STXBP3: variants seen among roughly 807,000 people sequenced by gnomAD.
The protein encoded by STXBP3 is syntaxin binding protein 3, also known as syntaxin-binding protein 3.
Under a neutral mutation model 85.7 loss-of-function variants are expected in STXBP3, and 41 were observed. The ratio of observed to expected loss-of-function variants is 0.48; its 90% CI spans 0.37 to 0.62. The LOEUF is 0.62. Among genes scored for constraint, STXBP3 ranks in the 20% least tolerant of loss-of-function variants. The pLI, the probability that STXBP3 is intolerant of heterozygous loss-of-function variation, is 0.00. For missense variants in STXBP3, 563 were observed against 703.1 expected (o/e 0.80, Z 2.25); for synonymous variants, 229 against 231.7 (o/e 0.99, Z 0.10).
At chr1:108,764,646 C>A (rs1365002838) in intron 6 of STXBP3, among the ~76,000 whole-genome samples, 2 of 152,092 alleles carry the variant, frequency 1.3e-5, no homozygotes, top group Non-Finnish European at 2.9e-5. Flanking sequence ...CTTTAATGAT[C>A]AGTGATTTGA....
At chr1:108,797,380 G>C (rs1010972871) in intron 15 of STXBP3, among the ~76,000 whole-genome samples, 1 of 138,978 alleles carries the variant, frequency 7.2e-6, no homozygotes, top group Non-Finnish European at 1.5e-5. Flanking sequence ...GTCAAATTTT[G>C]AAGAGCTCTA....
intron 5 of STXBP3, among the ~76,000 whole-genome samples, chr1:108,758,905 C>G (rs913282370): frequency 1.3e-5 from 2 of 152,180 alleles, no homozygotes; most frequent in African/African-American, 4.8e-5. Context: ...CCCTCAAATC[C>G]TGTGCTGGTG....
intron 11 of STXBP3, among the ~76,000 whole-genome samples, chr1:108,785,441 A>G (rs1311707503): frequency 1.3e-5 from 2 of 152,172 alleles, no homozygotes; most frequent in Non-Finnish European, 2.9e-5. Context: ...ACCAAATCCC[A>G]AGACCACACA....
At chr1:108,789,400 G>C (rs1478426989) in intron 11 of STXBP3, among the ~76,000 whole-genome samples, 1 of 151,978 alleles carries the variant, frequency 6.6e-6, no homozygotes, top group South Asian at 2.1e-4. Context: ...CTTCCAGTGT[G>C]GCCCAGGGAA....
rs761469761 is a variant in STXBP3 at position 108,808,778 on chromosome 1, A to G, written c.1685-5A>G. ...CCTCTGAAAAATTCTCTTTTCTCCT[A>G]CCAGGTTCTACACATGTTTTAACAC... On this transcript the variant is annotated splice_polypyrimidine_tract_variant and splice_region_variant and intron_variant, in intron 18 of 18. Transcript: ENST00000370008. 6.2e-7 allele frequency: 1 copy of G among 1,609,408 alleles called. No homozygotes were observed. The highest frequency in any genetic ancestry group is 8.5e-7 in the Non-Finnish European group (1 of 1,177,352).
At chr1:108,748,036 T>C (rs1661829480) in intron 1 of STXBP3, among the ~76,000 whole-genome samples, 1 of 152,220 alleles carries the variant, frequency 6.6e-6, no homozygotes, top group South Asian at 2.1e-4. Flanking sequence ...AATCATAAGC[T>C]TTTCCCTTTT....
intron 6 of STXBP3, among the ~76,000 whole-genome samples, chr1:108,770,769 G>A (rs1054817948): frequency 2.7e-5 from 2 of 73,204 alleles, no homozygotes; most frequent in Non-Finnish European, 7.4e-5. Flanking sequence ...CATTTAGGGA[G>A]CTCCTGGCTT....
chr1:108,803,694 G>T (rs1663275024), intron 17 of STXBP3, among the ~76,000 whole-genome samples: 1 of 152,126 alleles, frequency 6.6e-6, no homozygotes, highest in African/African-American at 2.4e-5. Context: ...TCACCATGTT[G>T]TCCAGGCTGG....
intron 11 of STXBP3, among the ~76,000 whole-genome samples, chr1:108,783,896 A>G (rs184363023): frequency 2.0e-5 from 3 of 152,240 alleles, no homozygotes; most frequent in East Asian, 1.9e-4. Context: ...TTTAATTTCA[A>G]TTTCTCTAAT....
At position 108,762,552 on chromosome 1, in the gene STXBP3, A is replaced by G. The variant is rs190799608; in HGVS notation, c.438+2467A>G. ...TTATAAAAATCATAGGCTTATTTCA[A>G]TATTTTAAAATATCTTCTGTAACAT... is the stretch of plus-strand genomic sequence containing the variant. On this transcript the variant is annotated intron_variant, in intron 6 of 18. Transcript: ENST00000370008. 1.6e-3 allele frequency among the ~76,000 whole-genome samples: 247 copies of G among 152,100 alleles called. 2 individuals carry two copies. The highest frequency in any genetic ancestry group is 0.01 in the Middle Eastern group (3 of 292).
At chr1:108,796,193 T>A in intron 13 of STXBP3, 41 bp from the exon 14 acceptor site, 1 of 1,589,738 alleles carries the variant, frequency 6.3e-7, no homozygotes, top group East Asian at 2.2e-5. Context: ...AAAAAATGAA[T>A]TTTGGTTATA....
intron 17 of STXBP3, among the ~76,000 whole-genome samples, chr1:108,806,486 T>TA (rs1013913925): frequency 1.1e-4 from 16 of 152,152 alleles, no homozygotes; most frequent in Non-Finnish European, 1.6e-4. Flanking sequence ...ATTCTGTACT[T>TA]AGTGTGTTCT....
chr1:108,776,291 C>T (rs747492139), intron 7 of STXBP3, 42 bp from the exon 8 acceptor site: 3 of 1,404,786 alleles, frequency 2.1e-6, no homozygotes, highest in East Asian at 2.4e-5. Flanking sequence ...AAAGTATACA[C>T]TGAAAGAAAG....
intron 6 of STXBP3, among the ~76,000 whole-genome samples, chr1:108,765,889 TG>T (rs1662255226): frequency 7.3e-6 from 1 of 137,292 alleles, no homozygotes. Context: ...ATTCTCACTC[TG>T]TCACCAGGCT....
intron 13 of STXBP3, 36 bp downstream of exon 13, chr1:108,794,943 A>T: frequency 6.5e-7 from 1 of 1,544,074 alleles, no homozygotes; most frequent in Non-Finnish European, 8.8e-7. Flanking sequence ...TGTTCATAAC[A>T]AATTTCAAGG....
chr1:108,807,974 T>A (rs967381300), intron 18 of STXBP3, among the ~76,000 whole-genome samples: 4 of 152,220 alleles, frequency 2.6e-5, no homozygotes, highest in African/African-American at 9.7e-5. Context: ...GCAAAAAAAT[T>A]GTTAACCATA....
chr1:108,781,140 G>A (rs963221308), intron 9 of STXBP3: 5 of 152,174 alleles, frequency 3.3e-5, no homozygotes, highest in African/African-American at 1.2e-4. Flanking sequence ...TAAGAACAAA[G>A]TGGTATTTTA....
At chr1:108,769,095 A>T (rs1662327435) in intron 6 of STXBP3, among the ~76,000 whole-genome samples, 1 of 151,772 alleles carries the variant, frequency 6.6e-6, no homozygotes, top group African/African-American at 2.4e-5. Flanking sequence ...AATAACACAT[A>T]TTTTAATATT....
intron 8 of STXBP3, 114 bp downstream of exon 8, chr1:108,776,537 A>C: frequency 1.5e-6 from 1 of 659,484 alleles, no homozygotes; most frequent in Non-Finnish European, 2.5e-6. Flanking sequence ...ATTAACATAG[A>C]TCTCCAATAC....
Sources: gnomAD v4.1 joint callset for allele counts (sites outside exome capture counted in the v4.1 genomes callset) on GRCh38, gnomAD v4.1.1 for gene constraint, MANE v1.5 for transcripts, NCBI Gene and HGNC (gene_info 2026-07-23, HGNC 2026-07-21) for gene names.